OTULIN: variants seen among roughly 807,000 people sequenced by gnomAD.
The protein encoded by OTULIN is OTU deubiquitinase with linear linkage specificity, also known as ubiquitin thioesterase otulin.
A neutral mutation model predicts 39.6 loss-of-function variants in OTULIN; 15 were observed. That is an observed-to-expected ratio of 0.38 (90% CI 0.25 to 0.58). The LOEUF is 0.58. OTULIN is among the 20% of genes least tolerant of loss of function. The probability of loss-of-function intolerance (pLI) is 0.66; values close to 1 mark genes in which losing one functional copy is unlikely to be tolerated. For synonymous variants in OTULIN, 156 were observed against 170.3 expected (o/e 0.92, Z 0.65); for missense variants, 319 against 445.9 (o/e 0.72, Z 2.56).
the OTULIN span, chr5:14,712,769 C>A: frequency 1.8e-6 from 2 of 1,112,870 alleles, no homozygotes; most frequent in East Asian, 5.2e-5. Flanking sequence ...CACCAAGGAT[C>A]CCCCACTGAC....
Position 14,677,842 on chromosome 5 carries a change from A to G in OTULIN, c.230-839A>G, listed in dbSNP as rs911376165. Among the ~76,000 whole-genome samples, 4 of 152,326 alleles carry G rather than the reference A, an allele frequency of 2.6e-5. No individual in the cohort carries two copies. In the East Asian group the frequency reaches 5.8e-4, roughly 22 times the overall value. ...ATAGTAGGTGTTATTTCTTTGTATAATGGTTATAAAAAACTGATTACTCAT... is the reference window on the plus strand; with the variant it reads ...ATAGTAGGTGTTATTTCTTTGTATAGTGGTTATAAAAAACTGATTACTCAT... On this transcript the variant is annotated intron_variant, in intron 2 of 6. Transcript: ENST00000284274.
intron 2 of OTULIN, among the ~76,000 whole-genome samples, chr5:14,676,307 A>G (rs906670826): frequency 1.3e-5 from 2 of 152,178 alleles, no homozygotes; most frequent in African/African-American, 4.8e-5. Flanking sequence ...GCGTCTGTGT[A>G]GTTTGCAACT....
At chr5:14,712,237 T>C in the OTULIN span, among the ~76,000 whole-genome samples, 1 of 152,378 alleles carries the variant, frequency 6.6e-6, no homozygotes, top group East Asian at 1.9e-4. Context: ...GCAGGCTCTC[T>C]GAGTGGCCTG....
In OTULIN at chr5:14,693,249, A is replaced by C. The variant is rs774068010; in HGVS notation, c.*201A>C. The C allele has an allele frequency of 8.2e-5, 44 of 537,492 alleles. No individual in the cohort carries two copies. In the South Asian group the frequency reaches 9.1e-4, roughly 11 times the overall value. The allele number at this position is 537,492 out of a possible 1,614,324, so 33.3% of individuals were successfully genotyped here. On this transcript the variant is annotated 3_prime_UTR_variant, in exon 7 of 7. Transcript: ENST00000284274. ...AAGTCTTTCCCCTCATCTATGATGC[A>C]ATATATTTCAGTGGGGGCCTTCAGA... is the stretch of plus-strand genomic sequence containing the variant.
the OTULIN span, chr5:14,711,323 A>AGACTC: frequency 5.6e-6 from 9 of 1,610,332 alleles, no homozygotes; most frequent in Non-Finnish European, 7.6e-6. Flanking sequence ...AGACCAAAGA[A>AGACTC]GACTCATCAG....
intron 2 of OTULIN, among the ~76,000 whole-genome samples, chr5:14,676,586 C>T (rs1339086142): frequency 1.3e-5 from 2 of 152,232 alleles, no homozygotes; most frequent in African/African-American, 4.8e-5. Flanking sequence ...CTTGTGCCTC[C>T]TCCCCTCAGT....
intron 1 of OTULIN, among the ~76,000 whole-genome samples, chr5:14,670,740 G>C (rs914027176): frequency 6.6e-6 from 1 of 152,046 alleles, no homozygotes; most frequent in Non-Finnish European, 1.5e-5. Context: ...TTCTAGGGGG[G>C]ATTACAGGTG....
Position 14,693,371 on chromosome 5 carries a change from G to C in OTULIN, c.*323G>C, listed in dbSNP as rs25951. 4.7e-6 allele frequency: 1 copy of C among 211,712 alleles called. No individual in the cohort carries two copies. Among genetic ancestry groups the C allele is most frequent in the Non-Finnish European group, 9.3e-6 (1 of 107,346 alleles). The allele number at this position is 211,712 out of a possible 1,614,324, so 13.1% of individuals were successfully genotyped here. A position where few individuals can be genotyped will look rare whatever the true frequency, so the allele number is the denominator to read the frequency against. On this transcript the variant is annotated 3_prime_UTR_variant, in exon 7 of 7. Transcript: ENST00000284274. ...TTTTGGAGAGGAATATGTTCTTTAT[G>C]TCTCAAATCAAAACTCTCTCTAATG...
intron 1 of OTULIN, among the ~76,000 whole-genome samples, chr5:14,667,030 T>C (rs1234682145): frequency 6.6e-6 from 1 of 152,266 alleles, no homozygotes; most frequent in Non-Finnish European, 1.5e-5. Context: ...AAGGCCTTTC[T>C]TTCCGCCCAG....
rs1736667210 is a variant in OTULIN, at chr5:14,696,289, C to T, written c.*3241C>T. 6.6e-6 allele frequency: 1 copy of T among 152,214 alleles called. No homozygotes were observed. The highest frequency in any genetic ancestry group is 1.5e-5 in the Non-Finnish European group (1 of 68,042). 9.4% of individuals were successfully genotyped at this position (152,214 alleles called of 1,614,324 possible). ...ACTTACATAGACTTCCTGAATGTGT[C>T]TTCTTCAGATACTAAAGTACAGTTG... On this transcript the variant is annotated 3_prime_UTR_variant, in exon 7 of 7. Coordinates refer to ENST00000284274, the MANE Select transcript of OTULIN (RefSeq NM_138348.6).
At chr5:14,706,803 A>C in the OTULIN span, 2 of 152,238 alleles carry the variant, frequency 1.3e-5, no homozygotes, top group Non-Finnish European at 2.9e-5. Context: ...AACCACACAG[A>C]GGAGTATCCC....
Position 14,692,744 on chromosome 5 carries a change from G to A in OTULIN, c.865-110G>A, listed in dbSNP as rs1031370071. On this transcript the variant is annotated intron_variant, in intron 6 of 6. Coordinates refer to ENST00000284274, the MANE Select transcript of OTULIN (RefSeq NM_138348.6). Reference sequence around the variant, plus strand: ...TGGGCCCAAAGCAGGAGGAAAAAACGTTGTGGCTTCACCATTGCTGTGCAC... The same window carrying A: ...TGGGCCCAAAGCAGGAGGAAAAAACATTGTGGCTTCACCATTGCTGTGCAC... 2.1e-5 allele frequency: 17 copies of A among 802,914 alleles called. No individual in the cohort carries two copies. The South Asian group carries it at 2.2e-4, about 10-fold the overall frequency. 49.7% of individuals were successfully genotyped at this position (802,914 alleles called of 1,614,324 possible).
intron 4 of OTULIN, among the ~76,000 whole-genome samples, chr5:14,685,456 G>C (rs143496415): frequency 6.6e-6 from 1 of 152,146 alleles, no homozygotes; most frequent in Non-Finnish European, 1.5e-5. Flanking sequence ...GGTTATTTAC[G>C]TGTGTTCCAT....
chr5:14,671,201 T>C (rs1187192835), intron 1 of OTULIN, among the ~76,000 whole-genome samples: 1 of 152,118 alleles, frequency 6.6e-6, no homozygotes, highest in East Asian at 1.9e-4. Flanking sequence ...TGGGCATTGA[T>C]GTTGGATTTT....
chr5:14,709,311 T>C, the OTULIN span: 3 of 152,060 alleles, frequency 2.0e-5, no homozygotes, highest in Non-Finnish European at 4.4e-5. Flanking sequence ...ACATTGAGAT[T>C]TTTTTTTAAT....
In OTULIN at chr5:14,664,996, G is replaced by A; in HGVS notation, c.152+19G>A. Reference sequence around the variant, plus strand: ...CCGAGCAGTGAGTCCGCGGGGGCGCGGGGCGCGGGCCGTGGGCGGCGGGCT... The same window carrying A: ...CCGAGCAGTGAGTCCGCGGGGGCGCAGGGCGCGGGCCGTGGGCGGCGGGCT... On this transcript the variant is annotated intron_variant, in intron 1 of 6. Coordinates refer to ENST00000284274, the MANE Select transcript of OTULIN (RefSeq NM_138348.6). 1 of 1,044,234 alleles carries A rather than the reference G, an allele frequency of 9.6e-7. No individual in the cohort carries two copies. The highest frequency in any genetic ancestry group is 8.2e-5 in the East Asian group (1 of 12,254). 64.7% of individuals were successfully genotyped at this position (1,044,234 alleles called of 1,614,324 possible).
chr5:14,692,486 TCA>T (rs1446787709), intron 6 of OTULIN, among the ~76,000 whole-genome samples: 2 of 152,238 alleles, frequency 1.3e-5, no homozygotes, highest in Admixed American at 6.5e-5. Flanking sequence ...CCCTAATGAC[TCA>T]CAACGTTGAG....
chr5:14,702,577 G>A (rs1736818053), downstream of OTULIN, among the ~76,000 whole-genome samples: 1 of 152,118 alleles, frequency 6.6e-6, no homozygotes, highest in African/African-American at 2.4e-5. Flanking sequence ...AGGTTAGGAC[G>A]TGGCCTTGCT....
chr5:14,701,177 A>G (rs868148423), downstream of OTULIN, among the ~76,000 whole-genome samples: 4 of 152,184 alleles, frequency 2.6e-5, no homozygotes, highest in Non-Finnish European at 5.9e-5. Flanking sequence ...TCCCCGGCTC[A>G]GGGCCTTCCC....
Sources: gnomAD v4.1 joint callset for allele counts (sites outside exome capture counted in the v4.1 genomes callset) on GRCh38, gnomAD v4.1.1 for gene constraint, MANE v1.5 for transcripts, NCBI Gene and HGNC (gene_info 2026-07-23, HGNC 2026-07-21) for gene names.